The following IL1RAPL2 variants were observed in gnomAD, a reference collection of about 807,000 sequenced individuals.
IL1RAPL2 encodes the protein interleukin 1 receptor accessory protein like 2.
Under a neutral mutation model 44.1 loss-of-function variants are expected in IL1RAPL2, and 3 were observed. The observed-to-expected ratio is 0.07, with a 90% CI of 0.03 to 0.18. IL1RAPL2 has a LOEUF of 0.18. IL1RAPL2 is among the 10% of genes least tolerant of loss of function. The probability of loss-of-function intolerance (pLI) is 1.00; values close to 1 mark genes in which losing one functional copy is unlikely to be tolerated. For missense variants in IL1RAPL2, 391 were observed against 496.4 expected, an observed-to-expected ratio of 0.79 and a Z score of 2.02; for synonymous variants, 181 against 178.8, an observed-to-expected ratio of 1.01 and a Z score of -0.10.
chrX:104,888,268 C>T (rs759971749), intron 2 of IL1RAPL2, among the ~76,000 whole-genome samples: 1 of 97,778 alleles, frequency 1.0e-5, no homozygotes, highest in East Asian at 3.3e-4. Context: ...GAGGAAGAGA[C>T]AGAGACAAGG....
intron 10 of IL1RAPL2, among the ~76,000 whole-genome samples, chrX:105,762,088 G>A (rs2038692453): frequency 8.9e-6 from 1 of 111,832 alleles, no homozygotes; most frequent in African/African-American, 3.2e-5. Context: ...CCCATTAGAA[G>A]CAATTTCTTT....
At chrX:104,817,933 C>T (rs951503907) in intron 2 of IL1RAPL2, among the ~76,000 whole-genome samples, 2 of 110,922 alleles carry the variant, frequency 1.8e-5, no homozygotes, top group East Asian at 5.7e-4. Flanking sequence ...GCAACTGGTC[C>T]TGTGGTAGTG....
At chrX:105,501,624 A>AAAC (rs892283328) in intron 6 of IL1RAPL2, among the ~76,000 whole-genome samples, 49 of 110,580 alleles carry the variant, frequency 4.4e-4, no homozygotes, top group Middle Eastern at 4.7e-3. Context: ...ACCCTCTTTC[A>AAAC]AACAACAACA....
At chrX:104,635,919 CT>C (rs1349638231) in intron 1 of IL1RAPL2, among the ~76,000 whole-genome samples, 1 of 112,077 alleles carries the variant, frequency 8.9e-6, no homozygotes, top group African/African-American at 3.2e-5. Flanking sequence ...GAGAGGCACT[CT>C]GATTTTTAGA....
At chrX:105,655,519 A>T (rs2037671450) in intron 6 of IL1RAPL2, among the ~76,000 whole-genome samples, 1 of 110,116 alleles carries the variant, frequency 9.1e-6, no homozygotes, top group Non-Finnish European at 1.9e-5. Context: ...AATGTTATAA[A>T]CAGTCTTAGC....
chrX:104,657,319 C>T (rs966958174), intron 1 of IL1RAPL2, among the ~76,000 whole-genome samples: 3 of 111,376 alleles, frequency 2.7e-5, no homozygotes, highest in African/African-American at 6.5e-5. Flanking sequence ...AATAACACCA[C>T]ACATCTACAA....
At chrX:105,669,924 TTA>T (rs1236235972) in intron 6 of IL1RAPL2, among the ~76,000 whole-genome samples, 2 of 106,300 alleles carry the variant, frequency 1.9e-5, no homozygotes, top group East Asian at 5.9e-4. Flanking sequence ...TGAATTATTT[TTA>T]TTATATAACT....
intron 5 of IL1RAPL2, among the ~76,000 whole-genome samples, chrX:105,301,281 T>C (rs1253194367): frequency 9.0e-6 from 1 of 111,573 alleles, no homozygotes; most frequent in African/African-American, 3.3e-5. Flanking sequence ...TTTTTGTAGG[T>C]ACATGGTAGG....
chrX:105,616,037 A>G (rs1390498863), intron 6 of IL1RAPL2, among the ~76,000 whole-genome samples: 1 of 112,287 alleles, frequency 8.9e-6, no homozygotes, highest in Non-Finnish European at 1.9e-5. Flanking sequence ...ACTGGAATAC[A>G]AATGGAAGAT....
intron 4 of IL1RAPL2, among the ~76,000 whole-genome samples, chrX:105,243,032 G>A (rs1556210170): frequency 2.7e-5 from 3 of 110,668 alleles, no homozygotes; most frequent in Admixed American, 1.9e-4. Flanking sequence ...CTGGGAGGCA[G>A]AGGTTGCAGT....
At chrX:105,357,393 T>C (rs2035211178) in intron 5 of IL1RAPL2, among the ~76,000 whole-genome samples, 1 of 111,981 alleles carries the variant, frequency 8.9e-6, no homozygotes, top group Admixed American at 9.6e-5. Context: ...ATTATAATTA[T>C]CACTACCATA....
In IL1RAPL2 at chrX:104,753,741, A is replaced by G. The variant is rs1476434108; in HGVS notation, c.82+94746A>G. Reference sequence around the variant, plus strand: ...CACTATAAATGGCTCTAATGTGTGAATCAGGTTATAGTTTAATTTTTCTTT... The same window carrying G: ...CACTATAAATGGCTCTAATGTGTGAGTCAGGTTATAGTTTAATTTTTCTTT... On this transcript the variant is annotated intron_variant, in intron 2 of 10. Coordinates refer to ENST00000372582, the MANE Select transcript of IL1RAPL2 (RefSeq NM_017416.2). Among the ~76,000 whole-genome samples the G allele has an allele frequency of 1.9e-4, 21 of 111,557 alleles. No homozygotes were observed. In the Admixed American group the frequency reaches 2.0e-3, roughly 11 times the overall value.
intron 5 of IL1RAPL2, among the ~76,000 whole-genome samples, chrX:105,418,308 G>C (rs2035749100): frequency 9.0e-6 from 1 of 111,070 alleles, no homozygotes; most frequent in Admixed American, 9.6e-5. Context: ...ATATATGATT[G>C]TTATTTTGTA....
At chrX:104,793,628 G>C (rs942371110) in intron 2 of IL1RAPL2, among the ~76,000 whole-genome samples, 1 of 112,059 alleles carries the variant, frequency 8.9e-6, no homozygotes, top group Middle Eastern at 4.7e-3. Context: ...TTGGATGATA[G>C]AAATTATAGT....
intron 2 of IL1RAPL2, among the ~76,000 whole-genome samples, chrX:104,993,851 T>G (rs1306292937): frequency 8.9e-6 from 1 of 111,751 alleles, no homozygotes; most frequent in Non-Finnish European, 1.9e-5. Context: ...GCTGTCTGAG[T>G]CTAGAGAACT....
intron 2 of IL1RAPL2, among the ~76,000 whole-genome samples, chrX:105,167,655 GGC>G (rs1311070385): frequency 1.5e-5 from 1 of 67,207 alleles, no homozygotes; most frequent in African/African-American, 6.4e-5. Flanking sequence ...ACATCCATGT[GGC>G]TTCACTTGCA....
At chrX:105,731,349 T>C (rs966310724) in intron 7 of IL1RAPL2, among the ~76,000 whole-genome samples, 1 of 109,820 alleles carries the variant, frequency 9.1e-6, no homozygotes, top group Non-Finnish European at 1.9e-5. Flanking sequence ...AACAGACCAA[T>C]AGCAAGTAAT....
chrX:105,462,345 A>T (rs966352570), intron 5 of IL1RAPL2, among the ~76,000 whole-genome samples: 1 of 111,299 alleles, frequency 9.0e-6, no homozygotes, highest in Non-Finnish European at 1.9e-5. Context: ...GAAATTGCAA[A>T]GTAATCTGAT....
chrX:104,736,524 T>C (rs931253400), intron 2 of IL1RAPL2, among the ~76,000 whole-genome samples: 4 of 112,211 alleles, frequency 3.6e-5, no homozygotes, highest in Non-Finnish European at 7.5e-5. Context: ...TTTAGAGATA[T>C]AAGACCAAAA....
Sources: gnomAD v4.1 joint callset for allele counts (sites outside exome capture counted in the v4.1 genomes callset) on GRCh38, gnomAD v4.1.1 for gene constraint, MANE v1.5 for transcripts, NCBI Gene and HGNC (gene_info 2026-07-23, HGNC 2026-07-21) for gene names.